The following PRRX2 variants were observed in gnomAD, a reference collection of about 807,000 sequenced individuals.
The protein encoded by PRRX2 is paired related homeobox 2.
PRRX2 carries 11 observed loss-of-function variants against 18.0 expected under a neutral mutation model. That is an observed-to-expected ratio of 0.61 (90% confidence interval 0.39 to 1.01). PRRX2 has a LOEUF of 1.01. Among genes scored for constraint, PRRX2 ranks in the 50% least tolerant of loss-of-function variants. The pLI, the probability that PRRX2 is intolerant of heterozygous loss-of-function variation, is 0.01. For missense variants in PRRX2, 387 were observed against 351.0 expected, an observed-to-expected ratio of 1.10 and a Z score of -0.82; for synonymous variants, 177 against 154.8, an observed-to-expected ratio of 1.14 and a Z score of -1.06.
chr9:129,720,990 T>C (rs575069878), intron 3 of PRRX2, among the ~76,000 whole-genome samples: 109 of 151,576 alleles, frequency 7.2e-4, no homozygotes, highest in Non-Finnish European at 1.4e-3. Flanking sequence ...GGCATGTGTG[T>C]GTGTGTCAAC....
chr9:129,708,687 T>C (rs901502380), intron 1 of PRRX2, among the ~76,000 whole-genome samples: 20 of 152,244 alleles, frequency 1.3e-4, no homozygotes, highest in Non-Finnish European at 2.9e-5. Context: ...TTTATCTTTT[T>C]TTCTGTAGTT....
In PRRX2 at chr9:129,675,866, C is replaced by T. The variant is rs1415976585; in HGVS notation, c.259+9740C>T. 2.6e-5 allele frequency among the ~76,000 whole-genome samples: 4 copies of T among 152,216 alleles called. No individual in the cohort carries two copies. Among genetic ancestry groups the T allele is most frequent in the East Asian group, 1.9e-4 (1 of 5,184 alleles). On this transcript the variant is annotated intron_variant, in intron 1 of 3. Coordinates refer to ENST00000372469, the MANE Select transcript of PRRX2 (RefSeq NM_016307.4). This position sits in a 1 kb window ranked among gnomAD's most constrained non-coding sequence, Gnocchi z 4.4. The stretch of plus-strand genomic sequence containing the variant: ...TGCGCGGGCCTCCCGTATAAAACCC[C>T]GCAGAACGCCGAGGTCTTGAAAGCC...
intron 1 of PRRX2, among the ~76,000 whole-genome samples, chr9:129,702,929 T>C (rs1268751176): frequency 6.6e-6 from 1 of 152,214 alleles, no homozygotes; most frequent in Non-Finnish European, 1.5e-5. Flanking sequence ...CCTCAGAGGC[T>C]AGCAAGGGGG....
At chr9:129,670,771 C>T (rs1832089905) in intron 1 of PRRX2, among the ~76,000 whole-genome samples, 3 of 152,320 alleles carry the variant, frequency 2.0e-5, no homozygotes, top group South Asian at 2.1e-4. Flanking sequence ...AACAGGGCAT[C>T]ATCACAAGAC....
At chr9:129,692,943 A>C (rs943353444) in intron 1 of PRRX2, among the ~76,000 whole-genome samples, 3 of 152,092 alleles carry the variant, frequency 2.0e-5, no homozygotes, top group African/African-American at 7.2e-5. Flanking sequence ...CGTACGGTAA[A>C]AGTATGTTTA....
intron 1 of PRRX2, among the ~76,000 whole-genome samples, chr9:129,690,030 C>T (rs1347578410): frequency 2.6e-5 from 4 of 151,946 alleles, no homozygotes; most frequent in Non-Finnish European, 5.9e-5. Context: ...GGATCACAGG[C>T]GTGAGCCACC....
intron 1 of PRRX2, among the ~76,000 whole-genome samples, chr9:129,710,175 G>A (rs758738590): frequency 6.6e-6 from 1 of 152,184 alleles, no homozygotes; most frequent in Admixed American, 6.5e-5. Flanking sequence ...AGCTCAGGCA[G>A]GGGTCCATGG....
In PRRX2 at chr9:129,666,002, C is replaced by A; in HGVS notation, c.135C>A (p.Asp45Glu). 9.2e-7 allele frequency: 1 copy of A among 1,091,712 alleles called. No individual in the cohort carries two copies. Among genetic ancestry groups the A allele is most frequent in the Non-Finnish European group, 1.1e-6 (1 of 899,764 alleles). The allele number at this position is 1,091,712 out of a possible 1,614,324, so 67.6% of individuals were successfully genotyped here. Residue 45 changes from aspartate to glutamate, a missense_variant, in exon 1 of 4, where the codon GAC becomes GAA. Physicochemically the swap from Asp to Glu is conservative, Grantham distance 45. Transcript: ENST00000372469. Reference protein sequence around the residue: ...RKNFSVSHLLDLEEVAAAGRL... With the variant: ...RKNFSVSHLLELEEVAAAGRL... ...ACTTCTCGGTGAGCCACCTCCTGGA[C>A]CTGGAAGAGGTGGCGGCGGCCGGGC...
chr9:129,690,384 T>C (rs1225124297), intron 1 of PRRX2, among the ~76,000 whole-genome samples: 1 of 152,156 alleles, frequency 6.6e-6, no homozygotes, highest in African/African-American at 2.4e-5. Flanking sequence ...GGGTAGGATC[T>C]GAACCCTGAT....
intron 1 of PRRX2, among the ~76,000 whole-genome samples, chr9:129,718,326 C>T (rs912788086): frequency 4.6e-5 from 7 of 152,176 alleles, no homozygotes; most frequent in African/African-American, 1.4e-4. Flanking sequence ...TGAGGGGCCT[C>T]CCCGGCCAGC....
rs1280148389 is a variant in PRRX2, at chr9:129,715,208, T to C, written c.260-4023T>C. ...GAAACTTCTGAACATAACCTCCTAG[T>C]CATCCCTCTAAACCAGGGTTTCTCA... On this transcript the variant is annotated intron_variant, in intron 1 of 3. Coordinates refer to ENST00000372469, the MANE Select transcript of PRRX2 (RefSeq NM_016307.4). This position sits in a 1 kb window ranked among gnomAD's most constrained non-coding sequence, Gnocchi z 4.0. 1.3e-5 allele frequency among the ~76,000 whole-genome samples: 2 copies of C among 152,158 alleles called. No homozygotes were observed. Among genetic ancestry groups the C allele is most frequent in the Non-Finnish European group, 2.9e-5 (2 of 68,034 alleles).
intron 3 of PRRX2, among the ~76,000 whole-genome samples, chr9:129,721,418 CT>C (rs1832790646): frequency 6.6e-6 from 1 of 152,142 alleles, no homozygotes; most frequent in African/African-American, 2.4e-5. Context: ...GAGGCGCCGT[CT>C]GCTCCTTGGG....
intron 1 of PRRX2, among the ~76,000 whole-genome samples, chr9:129,685,776 A>G (rs1832293104): frequency 6.6e-6 from 1 of 152,226 alleles, no homozygotes; most frequent in East Asian, 1.9e-4. Context: ...TTTGTGAGTC[A>G]TTCATTCATT....
chr9:129,713,954 A>G (rs917086618), intron 1 of PRRX2, among the ~76,000 whole-genome samples: 3 of 151,524 alleles, frequency 2.0e-5, no homozygotes, highest in Non-Finnish European at 4.4e-5. Context: ...ACAGACATCG[A>G]TTTCAATCCC....
chr9:129,691,093 G>A (rs1832355141), intron 1 of PRRX2, among the ~76,000 whole-genome samples: 1 of 151,582 alleles, frequency 6.6e-6, no homozygotes, highest in South Asian at 2.1e-4. Flanking sequence ...GGGAGGCTGA[G>A]GCGGGTGGAT....
intron 1 of PRRX2, among the ~76,000 whole-genome samples, chr9:129,704,151 T>C (rs1832531878): frequency 6.6e-6 from 1 of 152,240 alleles, no homozygotes; most frequent in African/African-American, 2.4e-5. Flanking sequence ...GAATGGTTCG[T>C]AGAGTTCCTC....
At chr9:129,719,683 A>G (rs1329868699) in intron 2 of PRRX2, among the ~76,000 whole-genome samples, 2 of 152,236 alleles carry the variant, frequency 1.3e-5, no homozygotes, top group Non-Finnish European at 2.9e-5. Context: ...TTCGAGGATT[A>G]GAGTTAAAAT....
At chr9:129,700,743 G>T (rs1832483526) in intron 1 of PRRX2, among the ~76,000 whole-genome samples, 1 of 152,102 alleles carries the variant, frequency 6.6e-6, no homozygotes, top group South Asian at 2.1e-4. Flanking sequence ...TCAGCCTCCT[G>T]AGTTGCTGGG....
intron 2 of PRRX2, among the ~76,000 whole-genome samples, chr9:129,720,309 C>T (rs916896502): frequency 5.3e-5 from 8 of 152,060 alleles, no homozygotes; most frequent in African/African-American, 1.7e-4. Flanking sequence ...CCTTTCCCCG[C>T]GAGTGCTCAG....
Sources: allele counts gnomAD v4.1 joint callset (sites outside exome capture counted in the v4.1 genomes callset), GRCh38; gene constraint gnomAD v4.1.1; non-coding constraint Gnocchi (gnomAD v3.1); transcripts MANE v1.5; gene names NCBI Gene and HGNC (gene_info 2026-07-23, HGNC 2026-07-21).